Variants in RGS7 observed in about 807,000 individuals in gnomAD.
RGS7 encodes regulator of G-protein signaling 7.
A neutral mutation model predicts 81.1 loss-of-function variants in RGS7; 27 were observed. That is an observed-to-expected ratio of 0.33 (90% CI 0.25 to 0.46). The LOEUF (loss-of-function observed/expected upper bound fraction) is 0.46. Among genes scored for constraint, RGS7 ranks in the 20% least tolerant of loss-of-function variants. RGS7 has a pLI of 1.00. For synonymous variants in RGS7, 208 were observed against 207.7 expected (o/e 1.00, Z -0.01); for missense variants, 396 against 607.4 (o/e 0.65, Z 3.66).
At chr1:240,993,230 GA>G (rs1398480295) in intron 3 of RGS7, among the ~76,000 whole-genome samples, 1 of 149,744 alleles carries the variant, frequency 6.7e-6, no homozygotes, top group Non-Finnish European at 1.5e-5. Flanking sequence ...AGGAAGGAAA[GA>G]AGGAGAAAGA....
Position 241,327,084 on chromosome 1 carries a change from A to AAGAAAGAAAG in RGS7, c.78+28605_78+28614dup, listed in dbSNP as rs1553320684. On this transcript the variant is annotated intron_variant, in intron 2 of 18. Coordinates refer to ENST00000440928, the MANE Select transcript of RGS7 (RefSeq NM_001364886.1). ...AAGAAGGAAGGAAGGAAGGAAGAGA[A>AAGAAAGAAAG]AGAAAGAAAGAAAGAAAGAAAGAAA... Among the ~76,000 whole-genome samples, 55 of 21,840 alleles carry AAGAAAGAAAG rather than the reference A, an allele frequency of 2.5e-3. 1 individual carries two copies. Among genetic ancestry groups the AAGAAAGAAAG allele is most frequent in the African/African-American group, 8.4e-3 (38 of 4,500 alleles). 14.3% of individuals were successfully genotyped at this position (21,840 alleles called of 152,430 possible). A position where few individuals can be genotyped will look rare whatever the true frequency, so the allele number is the denominator to read the frequency against.
intron 14 of RGS7, among the ~76,000 whole-genome samples, chr1:240,811,535 G>T (rs1689854427): frequency 6.6e-6 from 1 of 152,224 alleles, no homozygotes; most frequent in Non-Finnish European, 1.5e-5. Flanking sequence ...TGCTTGAGAA[G>T]TGATACGCAA....
intron 2 of RGS7, among the ~76,000 whole-genome samples, chr1:241,266,035 C>T (rs2077576018): frequency 6.6e-6 from 1 of 152,058 alleles, no homozygotes; most frequent in Non-Finnish European, 1.5e-5. Context: ...CTCAGGTGAT[C>T]CACCTACCTC....
At chr1:241,062,677 CCT>C (rs1491521450) in intron 3 of RGS7, among the ~76,000 whole-genome samples, 1 of 152,108 alleles carries the variant, frequency 6.6e-6, no homozygotes, top group Admixed American at 6.6e-5. Context: ...ATGCAATACC[CCT>C]TTTTTTCCCC....
At chr1:240,961,723 TA>T (rs1681473527) in intron 4 of RGS7, among the ~76,000 whole-genome samples, 1 of 152,298 alleles carries the variant, frequency 6.6e-6, no homozygotes, top group Middle Eastern at 3.4e-3. Flanking sequence ...CAACAGTTTA[TA>T]GGGGGAAGAA....
At chr1:241,253,349 T>C (rs1036139202) in intron 2 of RGS7, among the ~76,000 whole-genome samples, 1 of 152,224 alleles carries the variant, frequency 6.6e-6, no homozygotes, top group Non-Finnish European at 1.5e-5. Context: ...ACCTCCATAC[T>C]GTGGGGTTTT....
intron 2 of RGS7, among the ~76,000 whole-genome samples, chr1:241,212,836 T>C (rs1362581345): frequency 6.6e-6 from 1 of 152,192 alleles, no homozygotes; most frequent in African/African-American, 2.4e-5. Context: ...AGATCACAGA[T>C]GTCTCTTTCA....
intron 2 of RGS7, among the ~76,000 whole-genome samples, chr1:241,201,666 T>G (rs1187475945): frequency 6.6e-6 from 1 of 152,194 alleles, no homozygotes; most frequent in Non-Finnish European, 1.5e-5. Flanking sequence ...TACTTTTGTC[T>G]ACTTTGTGTC....
Position 241,240,012 on chromosome 1 carries a change from CAGAT to C in RGS7, c.78+115683_78+115686del, listed in dbSNP as rs1442463005. ...CAGGGACCCCTGTAGCTTGAGGAGT[CAGAT>C]AGACATTATAGAAACAGAGACTGTC... On this transcript the variant is annotated intron_variant, in intron 2 of 18. Transcript: ENST00000440928. Among the ~76,000 whole-genome samples, 5 of 152,088 alleles carry C rather than the reference CAGAT, an allele frequency of 3.3e-5. No homozygotes were observed. The East Asian group carries it at 9.6e-4, about 29-fold the overall frequency.
At chr1:240,888,886 G>A (rs1287645597) in intron 6 of RGS7, among the ~76,000 whole-genome samples, 3 of 152,128 alleles carry the variant, frequency 2.0e-5, no homozygotes, top group African/African-American at 7.2e-5. Context: ...GGGAAGCAGC[G>A]GGTGCAAAGG....
intron 4 of RGS7, among the ~76,000 whole-genome samples, chr1:240,982,325 G>A (rs1685032104): frequency 2.0e-5 from 3 of 149,992 alleles, no homozygotes; most frequent in Admixed American, 6.7e-5. Context: ...GGGAGGCTGA[G>A]GCAGAAGAAT....
rs142637182 is a variant in RGS7, at chr1:240,831,356, T to C, written c.610-4184A>G. On this transcript the variant is annotated intron_variant, in intron 9 of 18. Coordinates refer to ENST00000440928, the MANE Select transcript of RGS7 (RefSeq NM_001364886.1). ...TGACCCAGTGCTGATAACCCCTGAA[T>C]AACTGCTTTCAGAAGTCATGCACTG... is the stretch of plus-strand genomic sequence containing the variant. Among the ~76,000 whole-genome samples the C allele has an allele frequency of 5.3e-5, 8 of 152,310 alleles. No individual in the cohort carries two copies. The East Asian group carries it at 1.5e-3, about 29-fold the overall frequency.
intron 3 of RGS7, among the ~76,000 whole-genome samples, chr1:240,999,151 T>TC (rs1416331507): frequency 6.6e-6 from 1 of 152,080 alleles, no homozygotes; most frequent in Non-Finnish European, 1.5e-5. Flanking sequence ...TCCTAAAGTT[T>TC]CCATTTTTTT....
At position 241,350,505 on chromosome 1, in the gene RGS7, A is replaced by G. The variant is rs139736334; in HGVS notation, c.78+5194T>C. Among the ~76,000 whole-genome samples the G allele has an allele frequency of 9.5e-3, 1,452 of 152,274 alleles. 32 individuals carry two copies. Among genetic ancestry groups the G allele is most frequent in the African/African-American group, 0.033 (1,388 of 41,550 alleles). ...TGCCTTTCATAATGATCTTTTACAA[A>G]CATTCCTTCCTTTTCTAGTGCGTCT... On this transcript the variant is annotated intron_variant, in intron 2 of 18. Transcript: ENST00000440928.
chr1:241,120,478 G>A (rs79168939), intron 2 of RGS7, among the ~76,000 whole-genome samples: 7,288 of 152,184 alleles, frequency 0.048, 315 homozygotes, highest in East Asian at 0.22. Context: ...CTCTCAAGTA[G>A]CTGGGACTAC....
At chr1:240,887,385 C>A (rs947071180) in intron 6 of RGS7, among the ~76,000 whole-genome samples, 1 of 152,020 alleles carries the variant, frequency 6.6e-6, no homozygotes, top group Non-Finnish European at 1.5e-5. Flanking sequence ...CCTGCCACCA[C>A]GCCCGGCTCA....
intron 5 of RGS7, among the ~76,000 whole-genome samples, chr1:240,932,347 G>A (rs1210402770): frequency 6.6e-6 from 1 of 152,088 alleles, no homozygotes; most frequent in Non-Finnish European, 1.5e-5. Flanking sequence ...GACAAAAGAG[G>A]ATAGTAAGAC....
intron 2 of RGS7, among the ~76,000 whole-genome samples, chr1:241,323,466 A>C (rs1293501068): frequency 6.6e-6 from 1 of 152,242 alleles, no homozygotes; most frequent in Non-Finnish European, 1.5e-5. Flanking sequence ...ATCTTCAGTC[A>C]GAATCAGCCC....
chr1:241,131,404 A>C (rs1301318781), intron 2 of RGS7, among the ~76,000 whole-genome samples: 1 of 152,190 alleles, frequency 6.6e-6, no homozygotes, highest in Non-Finnish European at 1.5e-5. Flanking sequence ...AGCTGGACCC[A>C]ACTTCCAGAG....
Sources: gnomAD v4.1 joint callset for allele counts (sites outside exome capture counted in the v4.1 genomes callset) on GRCh38, gnomAD v4.1.1 for gene constraint, MANE v1.5 for transcripts, NCBI Gene and HGNC (gene_info 2026-07-23, HGNC 2026-07-21) for gene names.